DHRS7: variants seen among roughly 807,000 people sequenced by gnomAD.
DHRS7 encodes the protein dehydrogenase/reductase SDR family member 7.
A neutral mutation model predicts 38.9 loss-of-function variants in DHRS7; 34 were observed. The observed-to-expected ratio is 0.87, with a 90% CI of 0.66 to 1.16. DHRS7 has a LOEUF of 1.16. Ranked by LOEUF, DHRS7 falls within the 50% of genes most tolerant of loss-of-function variation. The pLI is 0.00. For synonymous variants in DHRS7, 158 were observed against 153.1 expected (o/e 1.03, Z -0.24); for missense variants, 421 against 407.0 (o/e 1.03, Z -0.30).
Position 60,149,362 on chromosome 14 carries a change from C to CTTA in DHRS7, c.960_962dup (p.Phe320_Lys321insAsn). On this transcript the variant is annotated inframe_insertion, in exon 6 of 7. Coordinates refer to ENST00000557185, the MANE Select transcript of DHRS7 (RefSeq NM_016029.4). Reference sequence around the variant, plus strand: ...TAGAAATTGGTCTTACCACACCACTCTTAAAGTTCTCAATCCTTTTCTTCC... The same window carrying CTTA: ...TAGAAATTGGTCTTACCACACCACTCTTATTAAAGTTCTCAATCCTTTTCTTCC... 6.2e-7 allele frequency: 1 copy of CTTA among 1,614,166 alleles called. No homozygotes were observed. The highest frequency in any genetic ancestry group is 8.5e-7 in the Non-Finnish European group (1 of 1,179,998).
chr14:60,155,996 T>C lies in DHRS7; in HGVS notation c.286+4A>G. On this transcript the variant is annotated splice_donor_region_variant and intron_variant, in intron 2 of 6. Coordinates refer to ENST00000557185, the MANE Select transcript of DHRS7 (RefSeq NM_016029.4). ...AGCACCGCTGCTATTTCAGATCCGCTTACCTAGGCATCTTCTTTTCACCCT... is the reference window on the plus strand; with the variant it reads ...AGCACCGCTGCTATTTCAGATCCGCCTACCTAGGCATCTTCTTTTCACCCT... 2.6e-6 allele frequency: 4 copies of C among 1,547,458 alleles called. No homozygotes were observed. The highest frequency in any genetic ancestry group is 3.5e-6 in the Non-Finnish European group (4 of 1,147,482).
In DHRS7 at chr14:60,149,497, G is replaced by T; in HGVS notation, c.828C>A (p.Ser276Arg). Residue 276 changes from serine (S) to arginine (R), a missense_variant, in exon 6 of 7, where the codon AGC becomes AGA. Coordinates refer to ENST00000557185, the MANE Select transcript of DHRS7 (RefSeq NM_016029.4). ...AAACTTCTTTCAAATCATTGGCCATGCTGATTAACATCAGCCGCACACAAC... is the reference window on the plus strand; with the variant it reads ...AAACTTCTTTCAAATCATTGGCCATTCTGATTAACATCAGCCGCACACAAC... ...TSRCVRLMLI[S>R]MANDLKEVWI... 6.2e-7 allele frequency: 1 copy of T among 1,614,146 alleles called. No individual in the cohort carries two copies. The highest frequency in any genetic ancestry group is 1.1e-5 in the South Asian group (1 of 91,086).
At chr14:60,156,234 G>T in intron 1 of DHRS7, 82 bp from the exon 2 acceptor site, 1 of 1,265,790 alleles carries the variant, frequency 7.9e-7, no homozygotes. Flanking sequence ...AAAAAAGAAA[G>T]CCTTAAACAA....
In DHRS7 at chr14:60,161,026, T is replaced by C. The variant is rs563477707; in HGVS notation, c.133+4151A>G. On this transcript the variant is annotated intron_variant, in intron 1 of 6. Transcript: ENST00000557185. The surrounding 1 kb of genome is among the most constrained non-coding windows in gnomAD (Gnocchi z 4.2). ...GTATTAGTATCAGAACTGTGAAAAA[T>C]GGGAGTTTCAGATGTACACTTATTG... 6.6e-6 allele frequency among the ~76,000 whole-genome samples: 1 copy of C among 152,304 alleles called. No individual in the cohort carries two copies. Among genetic ancestry groups the C allele is most frequent in the African/African-American group, 2.4e-5 (1 of 41,562 alleles).
upstream of DHRS7, chr14:60,165,520 C>T: frequency 2.3e-6 from 3 of 1,284,440 alleles, no homozygotes; most frequent in Non-Finnish European, 2.9e-6. The surrounding 1 kb of genome is among the most constrained non-coding windows in gnomAD (Gnocchi z 4.6). Context: ...GGCCCGCGCC[C>T]TCATGCGGCA....
chr14:60,156,236 C>A (rs2140603383), intron 1 of DHRS7, 84 bp from the exon 2 acceptor site: 1 of 1,074,162 alleles, frequency 9.3e-7, no homozygotes. Flanking sequence ...AAAAGAAAGC[C>A]TTAAACAATA....
chr14:60,168,461 T>C (rs1896893495), upstream of DHRS7, among the ~76,000 whole-genome samples: 1 of 152,180 alleles, frequency 6.6e-6, no homozygotes, highest in African/African-American at 2.4e-5. Flanking sequence ...CCAATACCAA[T>C]TCCCTGGTTC....
intron 2 of DHRS7, 154 bp downstream of exon 2, chr14:60,155,846 C>T: frequency 1.4e-6 from 1 of 707,064 alleles, no homozygotes; most frequent in Non-Finnish European, 2.0e-6. Context: ...CGAGGGCAGC[C>T]AATTAAGGCA....
chr14:60,160,880 C>T (rs1167843250), intron 1 of DHRS7, among the ~76,000 whole-genome samples: 2 of 152,146 alleles, frequency 1.3e-5, no homozygotes, highest in African/African-American at 4.8e-5. Context: ...CGTGAGCTAC[C>T]GCATCTGGCC....
chr14:60,167,889 C>G (rs1451903090), upstream of DHRS7, among the ~76,000 whole-genome samples: 1 of 152,184 alleles, frequency 6.6e-6, no homozygotes, highest in Admixed American at 6.5e-5. Context: ...TATGTAAAGA[C>G]ATACCCAACA....
In DHRS7 at chr14:60,156,076, C is replaced by T; in HGVS notation, c.210G>A (p.Leu70=). The change falls in exon 2 of 7, where the codon TTG becomes TTA. Residue 70 remains leucine (L), a synonymous_variant. Transcript: ENST00000557185. Reference sequence around the variant, plus strand: ...GCACAAGAGAAACTCCTAGTTTAGACAACTGGTAAGCCAGCTCCTCACCAA... The same window carrying T: ...GCACAAGAGAAACTCCTAGTTTAGATAACTGGTAAGCCAGCTCCTCACCAA... ...SGIGEELAYQ[L]SKLGVSLVLS... is the part of the protein sequence containing the mutation. 1 of 1,606,824 alleles carries T rather than the reference C, an allele frequency of 6.2e-7. No homozygotes were observed. Among genetic ancestry groups the T allele is most frequent in the Admixed American group, 1.7e-5 (1 of 58,950 alleles).
chr14:60,152,822 G>A, intron 4 of DHRS7, 117 bp downstream of exon 4: 1 of 1,184,762 alleles, frequency 8.4e-7, no homozygotes, highest in Non-Finnish European at 1.2e-6. Flanking sequence ...AAGTCTCCTT[G>A]GGTCTCTCTG....
At chr14:60,166,752 T>A (rs1009239739), upstream of DHRS7, among the ~76,000 whole-genome samples, 1 of 152,226 alleles carries the variant, frequency 6.6e-6, no homozygotes, top group Admixed American at 6.5e-5. Flanking sequence ...TATCTGAAAT[T>A]GTTTTTTAAT....
chr14:60,151,760 A>C (rs986825657), intron 4 of DHRS7, among the ~76,000 whole-genome samples: 1 of 152,214 alleles, frequency 6.6e-6, no homozygotes, highest in Non-Finnish European at 1.5e-5. Context: ...TGTGCTCTTC[A>C]AAAAGAGCTT....
chr14:60,165,726 GAT>G (rs1896859157), upstream of DHRS7: 1 of 670,266 alleles, frequency 1.5e-6, no homozygotes, highest in Non-Finnish European at 1.7e-6. This position sits in a 1 kb window ranked among gnomAD's most constrained non-coding sequence, Gnocchi z 4.6. Context: ...CCAGGAGACA[GAT>G]AGAATCATTC....
chr14:60,153,887 C>G lies in DHRS7; in HGVS notation c.393+72G>C, dbSNP rs1047933473. On this transcript the variant is annotated intron_variant, in intron 3 of 6. Coordinates refer to ENST00000557185, the MANE Select transcript of DHRS7 (RefSeq NM_016029.4). This position sits in a 1 kb window ranked among gnomAD's most constrained non-coding sequence, Gnocchi z 4.4. Reference sequence around the variant, plus strand: ...CACTTGCCTAAAGCCCTTTGTATGACAGCACCACGGATGGGAATCTCTTCT... The same window carrying G: ...CACTTGCCTAAAGCCCTTTGTATGAGAGCACCACGGATGGGAATCTCTTCT... The G allele has an allele frequency of 3.6e-6, 5 of 1,403,236 alleles. No homozygotes were observed. In the African/African-American group the frequency reaches 7.1e-5, roughly 20 times the overall value. The allele number at this position is 1,403,236 out of a possible 1,614,324, so 86.9% of individuals were successfully genotyped here. A position where few individuals can be genotyped will look rare whatever the true frequency, so the allele number is the denominator to read the frequency against.
chr14:60,156,184 A>C (rs539439393), intron 1 of DHRS7, 32 bp from the exon 2 acceptor site: 4 of 1,505,554 alleles, frequency 2.7e-6, no homozygotes, highest in South Asian at 2.7e-5. Context: ...AAGGAAGAAA[A>C]TAAGCAATGA....
intron 2 of DHRS7, among the ~76,000 whole-genome samples, chr14:60,154,529 G>A (rs919799663): frequency 3.9e-5 from 6 of 152,136 alleles, no homozygotes; most frequent in Admixed American, 1.3e-4. Context: ...GATTCCTGGA[G>A]GTAAACAGGG....
intron 1 of DHRS7, among the ~76,000 whole-genome samples, chr14:60,160,273 G>A (rs114597178): frequency 0.025 from 3,830 of 150,800 alleles, 121 homozygotes; most frequent in African/African-American, 0.08. Context: ...GGTTTGCAGT[G>A]AGCCTGCACT....
Sources: gnomAD v4.1 joint callset for allele counts (sites outside exome capture counted in the v4.1 genomes callset) on GRCh38, gnomAD v4.1.1 for gene constraint, Gnocchi (gnomAD v3.1) non-coding constraint, MANE v1.5 for transcripts, NCBI Gene and HGNC (gene_info 2026-07-23, HGNC 2026-07-21) for gene names.